Variants in RPA1 observed in about 807,000 individuals in gnomAD.
The protein encoded by RPA1 is replication protein A 70 kDa DNA-binding subunit.
In RPA1, 49 loss-of-function variants were observed where a neutral mutation model predicts 83.0. That is an observed-to-expected ratio of 0.59 (90% CI 0.47 to 0.75). The LOEUF (loss-of-function observed/expected upper bound fraction) is 0.75, where lower values mean the gene tolerates loss of function less well. Among genes scored for constraint, RPA1 ranks in the 30% least tolerant of loss-of-function variants. The pLI is 0.00. For missense variants in RPA1, 693 were observed against 776.1 expected (o/e 0.89, Z 1.27); for synonymous variants, 279 against 281.8 (o/e 0.99, Z 0.10).
In RPA1 at chr17:1,856,564, C is replaced by T. The variant is rs148186435; in HGVS notation, c.361+3375C>T. Among the ~76,000 whole-genome samples, 918 of 152,198 alleles carry T rather than the reference C, an allele frequency of 6.0e-3. 11 individuals are homozygous for T. The highest frequency in any genetic ancestry group is 0.021 in the African/African-American group (872 of 41,550). ...CAGTGAGCTGAGATCATGCCACGGG[C>T]ACTCCAGCTGGGCCGACAGAATGAG... On this transcript the variant is annotated intron_variant, in intron 5 of 16. Coordinates refer to ENST00000254719, the MANE Select transcript of RPA1 (RefSeq NM_002945.5).
At chr17:1,895,659 G>GTAGTATTTATT (rs1555596987) in intron 16 of RPA1, among the ~76,000 whole-genome samples, 4 of 141,752 alleles carry the variant, frequency 2.8e-5, no homozygotes, top group African/African-American at 1.1e-4. Context: ...ATACCATATA[G>GTAGTATTTATT]TATTTATTTA....
At chr17:1,853,256 T>G (rs1258257894) in intron 5 of RPA1, 67 bp downstream of exon 5, 2 of 1,232,814 alleles carry the variant, frequency 1.6e-6, no homozygotes, top group African/African-American at 3.0e-5. Flanking sequence ...GAGTTCTACC[T>G]TTTGGATTCA....
At chr17:1,830,405 TTC>T (rs1911499862) in intron 1 of RPA1, among the ~76,000 whole-genome samples, 1 of 152,172 alleles carries the variant, frequency 6.6e-6, no homozygotes, top group Non-Finnish European at 1.5e-5. Flanking sequence ...TGCGGACACT[TTC>T]TGTCTCTTCT....
In RPA1 at chr17:1,830,151, C is replaced by T. The variant is rs372033172; in HGVS notation, c.33+25C>T. 2,540 of 1,204,976 alleles carry T rather than the reference C, an allele frequency of 2.1e-3. 5 individuals carry two copies. The highest frequency in any genetic ancestry group is 2.4e-3 in the Non-Finnish European group (2,354 of 964,832). The allele number at this position is 1,204,976 out of a possible 1,614,324, so 74.6% of individuals were successfully genotyped here. ...GGTGAGGAGGTGCCGGGGGCTGGGC[C>T]GGCGGTCCGGGGTGGCTGCGGCCCC... On this transcript the variant is annotated intron_variant, in intron 1 of 16. Transcript: ENST00000254719.
intron 5 of RPA1, among the ~76,000 whole-genome samples, chr17:1,857,876 A>G (rs990668821): frequency 6.8e-6 from 1 of 147,754 alleles, no homozygotes; most frequent in Non-Finnish European, 1.5e-5. Context: ...GTTTTCCACT[A>G]TTAAGGTCTA....
chr17:1,895,188 GTAC>G, intron 16 of RPA1, 93 bp downstream of exon 16: 5 of 970,120 alleles, frequency 5.2e-6, no homozygotes, highest in Non-Finnish European at 7.9e-6. Flanking sequence ...GGGAGTTACT[GTAC>G]TCACTGCCAG....
At chr17:1,896,696 T>C (rs1475476670) in intron 16 of RPA1, among the ~76,000 whole-genome samples, 1 of 152,238 alleles carries the variant, frequency 6.6e-6, no homozygotes, top group Non-Finnish European at 1.5e-5. Context: ...AAATGAAAGT[T>C]TGAAAGTTTA....
intron 5 of RPA1, among the ~76,000 whole-genome samples, chr17:1,859,615 G>T (rs543822696): frequency 6.6e-6 from 1 of 151,638 alleles, no homozygotes; most frequent in Non-Finnish European, 1.5e-5. Context: ...CCACTTTGGC[G>T]TTTTTTTTGT....
At position 1,872,541 on chromosome 17, in the gene RPA1, G is replaced by A. The variant is rs1375126488; in HGVS notation, c.454+15G>A. On this transcript the variant is annotated intron_variant, in intron 6 of 16. Coordinates refer to ENST00000254719, the MANE Select transcript of RPA1 (RefSeq NM_002945.5). ...CTCGGGAATGGGTGAGATGCCTCACGGGGCGTGCGCTGACCAGGGGTGTCA... is the reference window on the plus strand; with the variant it reads ...CTCGGGAATGGGTGAGATGCCTCACAGGGCGTGCGCTGACCAGGGGTGTCA... 5.6e-6 allele frequency: 9 copies of A among 1,612,556 alleles called. No homozygotes were observed. The highest frequency in any genetic ancestry group is 5.0e-5 in the Admixed American group (3 of 59,854).
At chr17:1,872,147 A>G in intron 5 of RPA1, 1 of 393,412 alleles carries the variant, frequency 2.5e-6, no homozygotes, top group South Asian at 3.5e-5. Context: ...AGGTTGTTGC[A>G]GGAGAAATGG....
rs149258342 is a variant in RPA1 at position 1,895,659 on chromosome 17, G to GTATTATTTATTTATTTATTTATT, written c.1746+568_1746+569insATTTATTTATTTATTTATTTATT. ...CTGAAATTGCCCATAATACCATATA[G>GTATTATTTATTTATTTATTTATT]TATTTATTTATTTATTTATTTATTT... On this transcript the variant is annotated intron_variant, in intron 16 of 16. Coordinates refer to ENST00000254719, the MANE Select transcript of RPA1 (RefSeq NM_002945.5). 7.5e-4 allele frequency among the ~76,000 whole-genome samples: 107 copies of GTATTATTTATTTATTTATTTATT among 141,812 alleles called. 4 individuals are homozygous for GTATTATTTATTTATTTATTTATT. The highest frequency in any genetic ancestry group is 2.1e-3 in the East Asian group (10 of 4,844). The allele number at this position is 141,812 out of a possible 152,430, so 93.0% of individuals were successfully genotyped here.
intron 5 of RPA1, among the ~76,000 whole-genome samples, chr17:1,854,591 C>T (rs1912618566): frequency 6.6e-6 from 1 of 151,968 alleles, no homozygotes; most frequent in African/African-American, 2.4e-5. Flanking sequence ...GTAGTCTCAG[C>T]TACTTGGGAG....
intron 14 of RPA1, 195 bp from the exon 15 acceptor site, chr17:1,891,638 T>G (rs907944352): frequency 5.3e-5 from 19 of 360,656 alleles, no homozygotes; most frequent in Admixed American, 8.3e-5. Context: ...CAGGCTGGTT[T>G]CAAACTCCTG....
chr17:1,838,010 G>C (rs973777203), intron 1 of RPA1, among the ~76,000 whole-genome samples: 2 of 152,112 alleles, frequency 1.3e-5, no homozygotes, highest in Non-Finnish European at 2.9e-5. Context: ...ATCTTTGCTA[G>C]GCTGGATGTG....
intron 1 of RPA1, 81 bp from the exon 2 acceptor site, chr17:1,842,722 C>A: frequency 1.6e-6 from 2 of 1,265,540 alleles, no homozygotes; most frequent in South Asian, 1.2e-5. Context: ...TCTATATATT[C>A]CAAATACCAA....
Position 1,844,652 on chromosome 17 carries a change from C to G in RPA1, c.238C>G (p.His80Asp). The change falls in exon 4 of 17, where the codon CAC becomes GAC. Residue 80 changes from histidine (H) to aspartate (D), a missense_variant. Coordinates refer to ENST00000254719, the MANE Select transcript of RPA1 (RefSeq NM_002945.5). ...GTCCAGCAACTGTGTATGCCAGATT[C>G]ACAGATTTATTGTGAACACTCTGAA... is the stretch of plus-strand genomic sequence containing the variant. ...QLSSNCVCQI[H>D]RFIVNTLKDG... 1 of 1,613,612 alleles carries G rather than the reference C, an allele frequency of 6.2e-7. No homozygotes were observed. The highest frequency in any genetic ancestry group is 1.3e-5 in the African/African-American group (1 of 75,028).
At chr17:1,856,570 A>T (rs1912706354) in intron 5 of RPA1, among the ~76,000 whole-genome samples, 1 of 152,118 alleles carries the variant, frequency 6.6e-6, no homozygotes, top group Non-Finnish European at 1.5e-5. Context: ...CGGGCACTCC[A>T]GCTGGGCCGA....
At chr17:1,886,738 ACT>A (rs1914009395) in intron 13 of RPA1, among the ~76,000 whole-genome samples, 1 of 125,740 alleles carries the variant, frequency 8.0e-6, no homozygotes, top group Non-Finnish European at 1.6e-5. Flanking sequence ...ACAGAGTCTC[ACT>A]CTGTCACCCA....
At chr17:1,837,914 T>G (rs764615639) in intron 1 of RPA1, among the ~76,000 whole-genome samples, 1 of 152,208 alleles carries the variant, frequency 6.6e-6, no homozygotes, top group Non-Finnish European at 1.5e-5. Flanking sequence ...ACTTTTAAAT[T>G]TTCATGAAGT....
Sources: allele counts gnomAD v4.1 joint callset (sites outside exome capture counted in the v4.1 genomes callset), GRCh38; gene constraint gnomAD v4.1.1; transcripts MANE v1.5; gene names NCBI Gene and HGNC (gene_info 2026-07-23, HGNC 2026-07-21).